Variants in SLMAP observed in about 807,000 individuals in gnomAD.
SLMAP encodes sarcolemmal membrane-associated protein.
In SLMAP, 44 loss-of-function variants were observed where a neutral mutation model predicts 128.8. That is an observed-to-expected ratio of 0.34 (90% CI 0.27 to 0.44). The LOEUF (loss-of-function observed/expected upper bound fraction) is 0.44, where lower values mean the gene tolerates loss of function less well. Among genes scored for constraint, SLMAP ranks in the 20% least tolerant of loss-of-function variants. The probability of loss-of-function intolerance (pLI) is 1.00; values close to 1 mark genes in which losing one functional copy is unlikely to be tolerated. For missense variants in SLMAP, 787 were observed against 985.3 expected (o/e 0.80, Z 2.69); for synonymous variants, 327 against 348.8 (o/e 0.94, Z 0.70).
chr3:57,823,116 T>TG (rs532267127), intron 2 of SLMAP, among the ~76,000 whole-genome samples: 1 of 152,100 alleles, frequency 6.6e-6, no homozygotes, highest in Non-Finnish European at 1.5e-5. Flanking sequence ...GGCCCATTGC[T>TG]GGGGGGAAAA....
intron 2 of SLMAP, among the ~76,000 whole-genome samples, chr3:57,794,496 A>T (rs1348160115): frequency 2.0e-5 from 3 of 152,202 alleles, no homozygotes; most frequent in Non-Finnish European, 2.9e-5. Context: ...TCTTTAGTAT[A>T]TTCACAAAAT....
intron 21 of SLMAP, 64 bp from the exon 22 acceptor site, chr3:57,916,842 C>A (rs2096824131): frequency 7.4e-7 from 1 of 1,345,804 alleles, no homozygotes; most frequent in Non-Finnish European, 1.0e-6. Flanking sequence ...GTATAAGAAA[C>A]TGGACTTCCT....
At chr3:57,771,026 G>C (rs1446906179) in intron 2 of SLMAP, among the ~76,000 whole-genome samples, 1 of 152,048 alleles carries the variant, frequency 6.6e-6, no homozygotes, top group Non-Finnish European at 1.5e-5. Flanking sequence ...GTACTCAAAG[G>C]AAATGCTCAT....
At chr3:57,887,634 T>G (rs1244835761) in intron 14 of SLMAP, among the ~76,000 whole-genome samples, 1 of 152,220 alleles carries the variant, frequency 6.6e-6, no homozygotes, top group Admixed American at 6.5e-5. Flanking sequence ...AGATGGAGTC[T>G]TTACTATCTT....
At position 57,928,737 on chromosome 3, in the gene SLMAP, A is replaced by C. The variant is rs1043742757; in HGVS notation, c.*1448A>C. 6.6e-6 allele frequency: 1 copy of C among 152,232 alleles called. No homozygotes were observed. The highest frequency in any genetic ancestry group is 1.5e-5 in the Non-Finnish European group (1 of 68,024). The allele number at this position is 152,232 out of a possible 1,614,324, so 9.4% of individuals were successfully genotyped here. On this transcript the variant is annotated 3_prime_UTR_variant, in exon 25 of 25. Coordinates refer to ENST00000671191, the MANE Select transcript of SLMAP (RefSeq NM_001377540.1). ...CTGTGGCAATCCACAGGTCTAGCCA[A>C]ATATTGAAATAGGAGTTTAGGGTAT...
In SLMAP at chr3:57,907,904, T is replaced by A; in HGVS notation, c.1522T>A (p.Ser508Thr). The A allele has an allele frequency of 6.2e-7, 1 of 1,613,914 alleles. No homozygotes were observed. Among genetic ancestry groups the A allele is most frequent in the Non-Finnish European group, 8.5e-7 (1 of 1,179,848 alleles). ...LLKDDLQGAQSEIEAKQEIQH... is the reference protein window; with the variant it reads ...LLKDDLQGAQTEIEAKQEIQH... ...GTCAGATGACTTGCAGGGTGCACAG[T>A]CAGAAATTGAGGCAAAGCAAGAAAT... Residue 508 changes from serine to threonine, a missense_variant, in exon 18 of 25, where the codon TCA becomes ACA. Coordinates refer to ENST00000671191, the MANE Select transcript of SLMAP (RefSeq NM_001377540.1).
At chr3:57,855,113 A>T (rs1269934920) in intron 6 of SLMAP, among the ~76,000 whole-genome samples, 1 of 152,142 alleles carries the variant, frequency 6.6e-6, no homozygotes, top group Non-Finnish European at 1.5e-5. Flanking sequence ...AAAAGGCTGG[A>T]GGCAGTGTAA....
intron 2 of SLMAP, among the ~76,000 whole-genome samples, chr3:57,825,016 A>C (rs2092813304): frequency 6.6e-6 from 1 of 152,168 alleles, no homozygotes; most frequent in Non-Finnish European, 1.5e-5. Context: ...TTCTAGATGG[A>C]AATGGAATTG....
At chr3:57,760,540 G>A (rs1206395412) in intron 2 of SLMAP, among the ~76,000 whole-genome samples, 1 of 152,114 alleles carries the variant, frequency 6.6e-6, no homozygotes, top group Non-Finnish European at 1.5e-5. Flanking sequence ...GAGGGATACA[G>A]TTCCAAAGAA....
chr3:57,897,133 G>C (rs1012783674), intron 17 of SLMAP: 2 of 1,335,672 alleles, frequency 1.5e-6, no homozygotes, highest in East Asian at 5.6e-5. Context: ...ATTTGGATCA[G>C]TCAAGATTAC....
intron 2 of SLMAP, among the ~76,000 whole-genome samples, chr3:57,787,489 T>C (rs1342551036): frequency 6.6e-6 from 1 of 152,186 alleles, no homozygotes; most frequent in Non-Finnish European, 1.5e-5. Context: ...CATCTCTTTC[T>C]TTTTTGAGAC....
intron 19 of SLMAP, among the ~76,000 whole-genome samples, chr3:57,911,097 C>T (rs899805643): frequency 1.3e-5 from 2 of 152,088 alleles, no homozygotes; most frequent in African/African-American, 2.4e-5. Context: ...CTATTTTCAT[C>T]GTAGACTGTG....
chr3:57,884,926 C>A (rs2095840384), intron 14 of SLMAP, among the ~76,000 whole-genome samples: 1 of 151,996 alleles, frequency 6.6e-6, no homozygotes, highest in Non-Finnish European at 1.5e-5. Context: ...ATTGCCTCAC[C>A]CTTGAATATG....
intron 4 of SLMAP, among the ~76,000 whole-genome samples, chr3:57,845,148 C>T (rs1450192353): frequency 6.6e-6 from 1 of 151,922 alleles, no homozygotes; most frequent in Non-Finnish European, 1.5e-5. Context: ...TTTAAAATGC[C>T]TATTTCAATG....
chr3:57,845,424 G>T (rs1181030453), intron 4 of SLMAP, among the ~76,000 whole-genome samples: 1 of 152,202 alleles, frequency 6.6e-6, no homozygotes, highest in Non-Finnish European at 1.5e-5. Flanking sequence ...AATTAGACCA[G>T]TTCTTACAGT....
chr3:57,817,491 ATATT>A (rs1353255577), intron 2 of SLMAP, among the ~76,000 whole-genome samples: 1 of 152,172 alleles, frequency 6.6e-6, no homozygotes, highest in African/African-American at 2.4e-5. Context: ...TTTATTTAAA[ATATT>A]TATTTGGTTC....
At chr3:57,854,472 C>T (rs1363735717) in intron 6 of SLMAP, among the ~76,000 whole-genome samples, 1 of 152,046 alleles carries the variant, frequency 6.6e-6, no homozygotes, top group Non-Finnish European at 1.5e-5. Context: ...GTGGTGTGCA[C>T]CTGTAGTCCC....
chr3:57,776,522 C>CTCTCTTT lies in SLMAP; in HGVS notation c.198+18674_198+18675insCTCTTTT, dbSNP rs571722815. 3.9e-3 allele frequency among the ~76,000 whole-genome samples: 365 copies of CTCTCTTT among 92,606 alleles called. 10 individuals are homozygous for CTCTCTTT. The highest frequency in any genetic ancestry group is 0.016 in the African/African-American group (343 of 21,416). The allele number at this position is 92,606 out of a possible 152,430, so 60.8% of individuals were successfully genotyped here. On this transcript the variant is annotated intron_variant, in intron 2 of 24. Coordinates refer to ENST00000671191, the MANE Select transcript of SLMAP (RefSeq NM_001377540.1). ...ATTTGTCCCTTCTCTCTCTCTCTCTCTTTTTTTTTTTTTTTTTTTTTGAGA... is the reference window on the plus strand; with the variant it reads ...ATTTGTCCCTTCTCTCTCTCTCTCTCTCTCTTTTTTTTTTTTTTTTTTTTTTTTGAGA...
chr3:57,925,723 T>G (rs2096995418), intron 23 of SLMAP, 122 bp from the exon 24 acceptor site: 8 of 673,588 alleles, frequency 1.2e-5, no homozygotes, highest in Non-Finnish European at 1.8e-5. Flanking sequence ...GTGTAAAACC[T>G]GAGTGGTATA....
Sources: gnomAD v4.1 joint callset for allele counts (sites outside exome capture counted in the v4.1 genomes callset) on GRCh38, gnomAD v4.1.1 for gene constraint, MANE v1.5 for transcripts, NCBI Gene and HGNC (gene_info 2026-07-23, HGNC 2026-07-21) for gene names.